The following DCDC2 variants were observed in gnomAD, a reference collection of about 807,000 sequenced individuals.
DCDC2 encodes the protein doublecortin domain containing 2.
DCDC2 carries 40 observed loss-of-function variants against 50.2 expected under a neutral mutation model. That is an observed-to-expected ratio of 0.80 (90% confidence interval 0.62 to 1.04). The LOEUF is 1.04. DCDC2 is among the 50% of genes least tolerant of loss of function. The pLI is 0.00. For missense variants in DCDC2, 570 were observed against 581.9 expected (o/e 0.98, Z 0.21); for synonymous variants, 234 against 210.6 (o/e 1.11, Z -0.96).
In DCDC2 at chr6:24,172,989, A is replaced by AAAAAAAAATAATAATAAT. The variant is rs1554142065; in HGVS notation, c.*1740_*1741insATTATTATTATTTTTTTT. 6.2e-5 allele frequency: 9 copies of AAAAAAAAATAATAATAAT among 145,952 alleles called. No homozygotes were observed. The East Asian group carries it at 1.7e-3, about 27-fold the overall frequency. The allele number at this position is 145,952 out of a possible 1,614,324, so 9.0% of individuals were successfully genotyped here. ...GACAAGAGCAAGACTTCATCTCAAA[A>AAAAAAAAATAATAATAAT]AATAATAATAATAATAATAATAATA... is the stretch of plus-strand genomic sequence containing the variant. On this transcript the variant is annotated 3_prime_UTR_variant, in exon 10 of 10. Coordinates refer to ENST00000378454, the MANE Select transcript of DCDC2 (RefSeq NM_016356.5).
upstream of DCDC2, chr6:24,358,231 C>T (rs1199909744): frequency 1.4e-5 from 4 of 277,612 alleles, no homozygotes; most frequent in African/African-American, 8.8e-5. Context: ...TCTTCTTGCA[C>T]CTTTACCCCT....
chr6:24,367,628 A>C, the DCDC2 span, among the ~76,000 whole-genome samples: 1 of 152,268 alleles, frequency 6.6e-6, no homozygotes, highest in Non-Finnish European at 1.5e-5. Flanking sequence ...AATTAAATGT[A>C]AAGTGATCCT....
intron 8 of DCDC2, among the ~76,000 whole-genome samples, chr6:24,182,671 T>C (rs1460048951): frequency 7.3e-6 from 1 of 137,526 alleles, no homozygotes; most frequent in Non-Finnish European, 1.6e-5. Context: ...TTGACAAGGA[T>C]GTGGAGAAAC....
intron 8 of DCDC2, among the ~76,000 whole-genome samples, chr6:24,191,274 T>G (rs1414330562): frequency 6.6e-6 from 1 of 152,196 alleles, no homozygotes; most frequent in Non-Finnish European, 1.5e-5. Context: ...GAGCTGCAGG[T>G]AGCTGCTAAT....
upstream of DCDC2, among the ~76,000 whole-genome samples, chr6:24,358,699 T>TATA (rs201921328): frequency 1.7e-4 from 18 of 103,880 alleles, no homozygotes; most frequent in East Asian, 6.9e-4. Flanking sequence ...AAAATATATA[T>TATA]TTTTTTTATA....
intron 8 of DCDC2, among the ~76,000 whole-genome samples, chr6:24,203,687 C>G (rs1761638999): frequency 6.6e-6 from 1 of 152,094 alleles, no homozygotes; most frequent in Non-Finnish European, 1.5e-5. Flanking sequence ...AAACTATCAT[C>G]AGAGTGAACA....
chr6:24,274,688 T>A (rs1321289568), intron 7 of DCDC2, among the ~76,000 whole-genome samples: 3 of 149,044 alleles, frequency 2.0e-5, no homozygotes, highest in Non-Finnish European at 4.4e-5. Flanking sequence ...TACAGACTGA[T>A]AGAAGCATTG....
intron 8 of DCDC2, among the ~76,000 whole-genome samples, chr6:24,182,262 C>A (rs1044102940): frequency 6.6e-6 from 1 of 152,018 alleles, no homozygotes; most frequent in African/African-American, 2.4e-5. Flanking sequence ...GTGGTAATTT[C>A]TTACATATGA....
chr6:24,185,514 C>CA (rs200253709), intron 8 of DCDC2, among the ~76,000 whole-genome samples: 3,132 of 151,796 alleles, frequency 0.021, 54 homozygotes, highest in African/African-American at 0.039. Context: ...CAATTCAGGG[C>CA]AAAAAAATAA....
At position 24,173,032 on chromosome 6, in the gene DCDC2, G is replaced by T. The variant is rs1012069146; in HGVS notation, c.*1698C>A. On this transcript the variant is annotated 3_prime_UTR_variant, in exon 10 of 10. Transcript: ENST00000378454. Reference sequence around the variant, plus strand: ...TAATAATAATAATAAAGATCAATTGGTCTATTTGCCTACCAACCCAAGATT... The same window carrying T: ...TAATAATAATAATAAAGATCAATTGTTCTATTTGCCTACCAACCCAAGATT... The T allele has an allele frequency of 2.4e-5, 3 of 126,600 alleles. No homozygotes were observed. The highest frequency in any genetic ancestry group is 5.3e-5 in the Non-Finnish European group (3 of 57,136). 7.8% of individuals were successfully genotyped at this position (126,600 alleles called of 1,614,324 possible). A position where few individuals can be genotyped will look rare whatever the true frequency, so the allele number is the denominator to read the frequency against.
intron 7 of DCDC2, among the ~76,000 whole-genome samples, chr6:24,228,554 G>A (rs1416376092): frequency 6.6e-6 from 1 of 152,034 alleles, no homozygotes; most frequent in Non-Finnish European, 1.5e-5. Flanking sequence ...ATGCATTTTT[G>A]GTATTTTTCA....
chr6:24,302,262 T>C (rs564263217), intron 2 of DCDC2, among the ~76,000 whole-genome samples: 29 of 147,122 alleles, frequency 2.0e-4, no homozygotes, highest in African/African-American at 7.4e-4. Context: ...AAAATTTCCC[T>C]TAAGCCCTAG....
At position 24,178,417 on chromosome 6, in the gene DCDC2, A is replaced by G. The variant is rs547134434; in HGVS notation, c.1239T>C (p.Gly413=). ...CATTATTAACCTGCTGCAGCTCCTC[A>G]CCATTCTCCTCATCGGTGCCTCCAT... ...RVNGGTDEEN[G]EELQQVNNEL... Residue 413 remains glycine, a synonymous_variant, in exon 9 of 10, where the codon GGT becomes GGC. Transcript: ENST00000378454. The G allele has an allele frequency of 1.2e-6, 2 of 1,614,046 alleles. No homozygotes were observed. The highest frequency in any genetic ancestry group is 2.2e-5 in the South Asian group (2 of 91,080).
chr6:24,271,851 C>T (rs767639988), intron 7 of DCDC2, among the ~76,000 whole-genome samples: 4 of 152,136 alleles, frequency 2.6e-5, no homozygotes, highest in African/African-American at 7.2e-5. Context: ...AATGAATTTC[C>T]GGAATGAAAT....
intron 8 of DCDC2, among the ~76,000 whole-genome samples, chr6:24,195,570 G>A (rs1030508075): frequency 9.9e-5 from 15 of 152,086 alleles, no homozygotes; most frequent in African/African-American, 2.4e-5. Flanking sequence ...CCCAATCTCA[G>A]CTCTACTGAC....
chr6:24,226,568 G>A (rs572645792), intron 7 of DCDC2, among the ~76,000 whole-genome samples: 6 of 152,338 alleles, frequency 3.9e-5, no homozygotes, highest in East Asian at 3.9e-4. Context: ...TGATAGGACT[G>A]TGATCCTATC....
intron 8 of DCDC2, among the ~76,000 whole-genome samples, chr6:24,191,232 A>T (rs1581577207): frequency 6.6e-6 from 1 of 152,192 alleles, no homozygotes; most frequent in Admixed American, 6.5e-5. Flanking sequence ...GCAAGACAAG[A>T]AGTTCTTCAT....
At chr6:24,273,636 T>A (rs746727147) in intron 7 of DCDC2, among the ~76,000 whole-genome samples, 26 of 152,236 alleles carry the variant, frequency 1.7e-4, no homozygotes, top group Non-Finnish European at 2.8e-4. Flanking sequence ...ATTTTCCTCA[T>A]GTGCTTCCGG....
At chr6:24,366,769 A>G in the DCDC2 span, among the ~76,000 whole-genome samples, 1 of 152,154 alleles carries the variant, frequency 6.6e-6, no homozygotes, top group Admixed American at 6.5e-5. Context: ...ATTTCTGACA[A>G]CATGGTGAGC....
Sources: allele counts gnomAD v4.1 joint callset (sites outside exome capture counted in the v4.1 genomes callset), GRCh38; gene constraint gnomAD v4.1.1; transcripts MANE v1.5; gene names NCBI Gene and HGNC (gene_info 2026-07-23, HGNC 2026-07-21).